The following FRMPD4 variants were observed in gnomAD, a reference collection of about 807,000 sequenced individuals.
FRMPD4 encodes the protein FERM and PDZ domain containing 4, also known as FERM and PDZ domain-containing protein 4.
In FRMPD4, 22 loss-of-function variants were observed where a neutral mutation model predicts 94.1. That is an observed-to-expected ratio of 0.23 (90% CI 0.17 to 0.33). The LOEUF (loss-of-function observed/expected upper bound fraction) is 0.33. FRMPD4 is among the 10% of genes least tolerant of loss of function. The probability of loss-of-function intolerance (pLI) is 1.00; values close to 1 mark genes in which losing one functional copy is unlikely to be tolerated. For missense variants in FRMPD4, 1,111 were observed against 1,339.9 expected (o/e 0.83, Z 2.67); for synonymous variants, 631 against 548.6 (o/e 1.15, Z -2.10).
At chrX:12,299,387 T>C (rs772118383) in intron 1 of FRMPD4, among the ~76,000 whole-genome samples, 1 of 110,474 alleles carries the variant, frequency 9.1e-6, no homozygotes, top group East Asian at 2.8e-4. Flanking sequence ...AAGTCAAATT[T>C]CTGATGTTTA....
intron 2 of FRMPD4, among the ~76,000 whole-genome samples, chrX:12,528,544 C>G (rs182648155): frequency 9.1e-6 from 1 of 110,154 alleles, no homozygotes; most frequent in Non-Finnish European, 1.9e-5. Context: ...TCGTCTTGAA[C>G]TCCTGACTTG....
chrX:12,299,486 T>C (rs1042761978), intron 1 of FRMPD4, among the ~76,000 whole-genome samples: 3 of 109,282 alleles, frequency 2.7e-5, no homozygotes, highest in Admixed American at 2.0e-4. Flanking sequence ...ACATAAGGAA[T>C]AAGCGCCAAG....
intron 2 of FRMPD4, among the ~76,000 whole-genome samples, chrX:12,562,785 T>C (rs922846373): frequency 8.9e-6 from 1 of 112,076 alleles, no homozygotes; most frequent in African/African-American, 3.2e-5. Flanking sequence ...TCTATTTGCA[T>C]CCAATAAAAT....
intron 1 of FRMPD4, among the ~76,000 whole-genome samples, chrX:12,330,449 A>G (rs977450773): frequency 9.0e-6 from 1 of 111,339 alleles, no homozygotes; most frequent in African/African-American, 3.3e-5. Context: ...CTAGTAAGCA[A>G]TTTTCCAAAG....
chrX:12,492,699 T>G (rs2057805385), intron 1 of FRMPD4, among the ~76,000 whole-genome samples: 1 of 111,917 alleles, frequency 8.9e-6, no homozygotes, highest in African/African-American at 3.2e-5. Context: ...GGGATGATTT[T>G]TACTTCTATC....
At chrX:12,318,822 T>A (rs2055164167) in intron 1 of FRMPD4, among the ~76,000 whole-genome samples, 1 of 110,813 alleles carries the variant, frequency 9.0e-6, no homozygotes, top group Non-Finnish European at 1.9e-5. Flanking sequence ...AGGCAAAAAA[T>A]ATTTTAATTA....
intron 1 of FRMPD4, among the ~76,000 whole-genome samples, chrX:11,850,203 A>G (rs1025975372): frequency 8.9e-6 from 1 of 112,408 alleles, no homozygotes; most frequent in Non-Finnish European, 1.9e-5. Flanking sequence ...TTATTAGAGC[A>G]ATGCAAATGA....
chrX:12,421,258 C>T (rs2056879479), intron 1 of FRMPD4, among the ~76,000 whole-genome samples: 1 of 111,787 alleles, frequency 8.9e-6, no homozygotes, highest in Non-Finnish European at 1.9e-5. Context: ...CAAATGTGAC[C>T]TTTACTTATA....
chrX:12,209,429 G>T (rs1601699917), intron 1 of FRMPD4, among the ~76,000 whole-genome samples: 1 of 112,120 alleles, frequency 8.9e-6, no homozygotes, highest in South Asian at 3.7e-4. Flanking sequence ...ATTAATTTAG[G>T]TAACCGCAAT....
chrX:12,122,889 G>A (rs1263671663), intron 3 of FRMPD4, among the ~76,000 whole-genome samples: 1 of 111,304 alleles, frequency 9.0e-6, no homozygotes, highest in Non-Finnish European at 1.9e-5. Context: ...TCATTGCTAT[G>A]TTTGAGAAAA....
intron 3 of FRMPD4, among the ~76,000 whole-genome samples, chrX:12,071,874 A>AG (rs2054971415): frequency 8.9e-6 from 1 of 111,808 alleles, no homozygotes; most frequent in South Asian, 3.8e-4. Flanking sequence ...ATACAAGGAA[A>AG]TGCACTTCCA....
At chrX:12,504,061 C>T (rs113437757) in intron 2 of FRMPD4, among the ~76,000 whole-genome samples, 60 of 112,058 alleles carry the variant, frequency 5.4e-4, no homozygotes, top group Non-Finnish European at 9.8e-4. Flanking sequence ...TTTATCAAGC[C>T]TACGTTTTAA....
chrX:12,442,904 AAG>A (rs1244953913), intron 1 of FRMPD4, among the ~76,000 whole-genome samples: 1 of 112,304 alleles, frequency 8.9e-6, no homozygotes, highest in South Asian at 3.7e-4. Flanking sequence ...CAGCCATAAA[AAG>A]AGTGACGTAT....
At chrX:12,179,651 T>G (rs1463708031) in intron 1 of FRMPD4, among the ~76,000 whole-genome samples, 1 of 111,619 alleles carries the variant, frequency 9.0e-6, no homozygotes, top group Non-Finnish European at 1.9e-5. Flanking sequence ...AAGCTGAGGC[T>G]TGACACCAAC....
chrX:12,348,024 G>C (rs1199652686), intron 1 of FRMPD4, among the ~76,000 whole-genome samples: 2 of 111,395 alleles, frequency 1.8e-5, no homozygotes, highest in Admixed American at 1.9e-4. Flanking sequence ...TTCCTGCTGA[G>C]GAAATCTAAT....
intron 4 of FRMPD4, among the ~76,000 whole-genome samples, chrX:12,636,858 A>G (rs2059447887): frequency 8.9e-6 from 1 of 112,197 alleles, no homozygotes; most frequent in African/African-American, 3.2e-5. Flanking sequence ...ATGGGAGCCC[A>G]TTCAAGTGAG....
intron 1 of FRMPD4, among the ~76,000 whole-genome samples, chrX:12,189,244 C>T (rs777620114): frequency 1.5e-4 from 17 of 111,589 alleles, no homozygotes; most frequent in South Asian, 1.1e-3. Flanking sequence ...AAACTGAATA[C>T]GCCTATATCT....
rs2042271475 is a variant in FRMPD4 at position 12,723,190 on chromosome X, A to G, written c.*1332A>G. 8.9e-6 allele frequency: 1 copy of G among 111,901 alleles called. No homozygotes were observed. The allele number at this position is 111,901 out of a possible 1,213,427, so 9.2% of individuals were successfully genotyped here. On this transcript the variant is annotated 3_prime_UTR_variant, in exon 17 of 17. Transcript: ENST00000675598. ...CAAGTGAAACCAATGGAATGCAAAG[A>G]ACTTTCCAGGACTGTCACATCTCTA...
rs1334867873 is a variant in FRMPD4 at position 12,499,691 on chromosome X, T to C, written c.158+895T>C. ...TCAGGCTCATCTATGCTGTAGCACATGTCAGAAGTTTTTCCTTTTTTTATT... is the reference window on the plus strand; with the variant it reads ...TCAGGCTCATCTATGCTGTAGCACACGTCAGAAGTTTTTCCTTTTTTTATT... On this transcript the variant is annotated intron_variant, in intron 2 of 16. Transcript: ENST00000675598. 1.1e-4 allele frequency among the ~76,000 whole-genome samples: 12 copies of C among 112,799 alleles called. No individual in the cohort carries two copies. In the Admixed American group the frequency reaches 1.1e-3, roughly 11 times the overall value.
Sources: allele counts gnomAD v4.1 joint callset (sites outside exome capture counted in the v4.1 genomes callset), GRCh38; gene constraint gnomAD v4.1.1; transcripts MANE v1.5; gene names NCBI Gene and HGNC (gene_info 2026-07-23, HGNC 2026-07-21).